The following CAMTA1 variants were observed in gnomAD, a reference collection of about 807,000 sequenced individuals.
The protein encoded by CAMTA1 is calmodulin binding transcription activator 1.
Under a neutral mutation model 170.9 loss-of-function variants are expected in CAMTA1, and 27 were observed. That is an observed-to-expected ratio of 0.16 (90% CI 0.12 to 0.22). The LOEUF is 0.22. Ranked by LOEUF, CAMTA1 falls within the 10% of genes least tolerant of loss-of-function variation. The pLI is 1.00. For missense variants in CAMTA1, 1,619 were observed against 2,217.2 expected (o/e 0.73, Z 5.42); for synonymous variants, 833 against 891.5 (o/e 0.93, Z 1.17).
chr1:7,477,067 G>C (rs563087858), intron 6 of CAMTA1, among the ~76,000 whole-genome samples: 5 of 152,326 alleles, frequency 3.3e-5, no homozygotes, highest in Admixed American at 3.3e-4. Context: ...GAAGGGCAAG[G>C]GGGTGTGAGG....
At chr1:7,214,459 C>T (rs762376508) in intron 4 of CAMTA1, among the ~76,000 whole-genome samples, 9 of 152,102 alleles carry the variant, frequency 5.9e-5, no homozygotes, top group Non-Finnish European at 7.4e-5. Context: ...CTACACTTCC[C>T]GGGTTCACAC....
At position 6,887,786 on chromosome 1, in the gene CAMTA1, T is replaced by C; in HGVS notation, c.234+62576T>C. The C allele has an allele frequency of 1.3e-6, 2 of 1,531,256 alleles. No homozygotes were observed. Among genetic ancestry groups the C allele is most frequent in the South Asian group, 1.2e-5 (1 of 83,426 alleles). The allele number at this position is 1,531,256 out of a possible 1,614,324, so 94.9% of individuals were successfully genotyped here. ...GAGCTTTCCCATCCTGCCAGCCCCA[T>C]GTCTGGCTTTAAGACAGTTCTATTA... On this transcript the variant is annotated intron_variant, in intron 3 of 22. Transcript: ENST00000303635. The surrounding 1 kb of genome is among the most constrained non-coding windows in gnomAD (Gnocchi z 4.1).
chr1:6,932,042 A>G (rs899199473), intron 3 of CAMTA1, among the ~76,000 whole-genome samples: 3 of 152,244 alleles, frequency 2.0e-5, no homozygotes, highest in Non-Finnish European at 4.4e-5. Context: ...TTATTGAGGC[A>G]TAATTGACAT....
At chr1:7,677,930 G>A (rs570720847) in intron 11 of CAMTA1, among the ~76,000 whole-genome samples, 197 bp downstream of exon 11, 5 of 152,330 alleles carry the variant, frequency 3.3e-5, no homozygotes, top group African/African-American at 1.2e-4. Flanking sequence ...CTGGACACTG[G>A]CTGGCCCCAC....
At chr1:6,823,186 G>A (rs979155024) in intron 2 of CAMTA1, among the ~76,000 whole-genome samples, 4 of 152,078 alleles carry the variant, frequency 2.6e-5, no homozygotes, top group Non-Finnish European at 5.9e-5. Flanking sequence ...GTACTTTAGG[G>A]GAAGAGAGAA....
intron 3 of CAMTA1, among the ~76,000 whole-genome samples, chr1:6,964,511 G>A (rs1293973993): frequency 6.6e-6 from 1 of 152,160 alleles, no homozygotes; most frequent in East Asian, 1.9e-4. Flanking sequence ...GGGTGGAAAA[G>A]CCATGGCTGC....
chr1:7,354,629 G>A (rs542166544), intron 5 of CAMTA1, among the ~76,000 whole-genome samples: 1 of 152,302 alleles, frequency 6.6e-6, no homozygotes, highest in East Asian at 1.9e-4. Flanking sequence ...TTAAGTTCTT[G>A]AGAAGTCTCC....
At chr1:6,917,855 G>A (rs966411524) in intron 3 of CAMTA1, among the ~76,000 whole-genome samples, 2 of 146,490 alleles carry the variant, frequency 1.4e-5, no homozygotes, top group South Asian at 2.3e-4. Context: ...CGGGGGCGGG[G>A]GGGGACATCT....
At chr1:7,194,184 C>T (rs1486578893) in intron 4 of CAMTA1, among the ~76,000 whole-genome samples, 1 of 152,192 alleles carries the variant, frequency 6.6e-6, no homozygotes, top group Non-Finnish European at 1.5e-5. Flanking sequence ...TACCAAATTC[C>T]TTCCCTTTAC....
chr1:7,419,799 C>A (rs182843072), intron 5 of CAMTA1, among the ~76,000 whole-genome samples: 2 of 152,266 alleles, frequency 1.3e-5, no homozygotes, highest in Non-Finnish European at 2.9e-5. Context: ...AGCCATTCAG[C>A]CAAAATCATC....
chr1:7,416,642 A>AT (rs1334445326), intron 5 of CAMTA1, among the ~76,000 whole-genome samples: 1 of 152,104 alleles, frequency 6.6e-6, no homozygotes, highest in Non-Finnish European at 1.5e-5. Context: ...TGCATTGGTT[A>AT]TTCTAGTTAT....
chr1:7,228,034 A>G lies in CAMTA1; in HGVS notation c.303-21457A>G, dbSNP rs147134485. Among the ~76,000 whole-genome samples the G allele has an allele frequency of 3.9e-5, 6 of 152,346 alleles. No individual in the cohort carries two copies. The East Asian group carries it at 1.2e-3, about 29-fold the overall frequency. The stretch of plus-strand genomic sequence containing the variant: ...CCCTGGCAGTAAAACATTATTTTCT[A>G]TGAAATGATATGTCTGACATTTACC... On this transcript the variant is annotated intron_variant, in intron 4 of 22. Coordinates refer to ENST00000303635, the MANE Select transcript of CAMTA1 (RefSeq NM_015215.4).
chr1:6,995,645 A>G (rs1039111276), intron 3 of CAMTA1, among the ~76,000 whole-genome samples: 5 of 152,276 alleles, frequency 3.3e-5, no homozygotes, highest in Non-Finnish European at 5.9e-5. Context: ...TAAAATACAA[A>G]TCATTATTAT....
chr1:7,532,125 G>C lies in CAMTA1; in HGVS notation c.510+64224G>C, dbSNP rs942116967. On this transcript the variant is annotated intron_variant, in intron 6 of 22. Transcript: ENST00000303635. This position sits in a 1 kb window ranked among gnomAD's most constrained non-coding sequence, Gnocchi z 4.2. ...AGGCAGGTGACTCCAGCGGTACCTGGAGGCTCCCGGGCCCACCCGAGCCCT... is the reference window on the plus strand; with the variant it reads ...AGGCAGGTGACTCCAGCGGTACCTGCAGGCTCCCGGGCCCACCCGAGCCCT... Among the ~76,000 whole-genome samples, 2 of 151,996 alleles carry C rather than the reference G, an allele frequency of 1.3e-5. No individual in the cohort carries two copies. Among genetic ancestry groups the C allele is most frequent in the African/African-American group, 4.8e-5 (2 of 41,300 alleles).
rs140358516 is a variant in CAMTA1 at position 7,060,115 on chromosome 1, G to A, written c.235-31189G>A. On this transcript the variant is annotated intron_variant, in intron 3 of 22. Coordinates refer to ENST00000303635, the MANE Select transcript of CAMTA1 (RefSeq NM_015215.4). Reference sequence around the variant, plus strand: ...GTAATTTGCATGATGGGGACCTTAAGACTGGCAAAATCCTTTCCTAGGGGG... The same window carrying A: ...GTAATTTGCATGATGGGGACCTTAAAACTGGCAAAATCCTTTCCTAGGGGG... 3.9e-5 allele frequency among the ~76,000 whole-genome samples: 6 copies of A among 152,334 alleles called. No individual in the cohort carries two copies. The East Asian group carries it at 1.2e-3, about 29-fold the overall frequency.
At chr1:7,427,360 G>A (rs903636244) in intron 5 of CAMTA1, among the ~76,000 whole-genome samples, 1 of 152,112 alleles carries the variant, frequency 6.6e-6, no homozygotes, top group Non-Finnish European at 1.5e-5. Context: ...TTTATAAGTA[G>A]ATTGCGAGTG....
At chr1:7,450,666 G>T (rs1176420323) in intron 5 of CAMTA1, among the ~76,000 whole-genome samples, 1 of 152,226 alleles carries the variant, frequency 6.6e-6, no homozygotes, top group Non-Finnish European at 1.5e-5. Flanking sequence ...TTTTAACACT[G>T]CTGGATAGTT....
intron 4 of CAMTA1, among the ~76,000 whole-genome samples, chr1:7,188,167 C>T (rs879286166): frequency 1.1e-4 from 17 of 152,108 alleles, no homozygotes; most frequent in Non-Finnish European, 2.4e-4. Flanking sequence ...GGGAACTGCC[C>T]CCATGATCCA....
At chr1:7,147,194 G>T (rs763890653) in intron 4 of CAMTA1, among the ~76,000 whole-genome samples, 1 of 152,010 alleles carries the variant, frequency 6.6e-6, no homozygotes, top group South Asian at 2.1e-4. Flanking sequence ...GCCGAGGTGG[G>T]CAGATCACAA....
Sources: allele counts gnomAD v4.1 joint callset (sites outside exome capture counted in the v4.1 genomes callset), GRCh38; gene constraint gnomAD v4.1.1; non-coding constraint Gnocchi (gnomAD v3.1); transcripts MANE v1.5; gene names NCBI Gene and HGNC (gene_info 2026-07-23, HGNC 2026-07-21).